CCSER1: variants seen among roughly 807,000 people sequenced by gnomAD.
CCSER1 encodes the protein serine-rich coiled-coil domain-containing protein 1.
A neutral mutation model predicts 82.0 loss-of-function variants in CCSER1; 41 were observed. The observed-to-expected ratio is 0.50, with a 90% CI of 0.39 to 0.65. The LOEUF is 0.65. CCSER1 is among the 30% of genes least tolerant of loss of function. The pLI, the probability that CCSER1 is intolerant of heterozygous loss-of-function variation, is 0.00. For synonymous variants in CCSER1, 414 were observed against 383.9 expected, an observed-to-expected ratio of 1.08 and a Z score of -0.92; for missense variants, 1,119 against 1,064.2, an observed-to-expected ratio of 1.05 and a Z score of -0.72.
chr4:91,001,690 G>C (rs1464657844), intron 9 of CCSER1, among the ~76,000 whole-genome samples: 1 of 152,104 alleles, frequency 6.6e-6, no homozygotes, highest in African/African-American at 2.4e-5. Flanking sequence ...ATAGTTGGTT[G>C]GTGAATTTTT....
intron 10 of CCSER1, among the ~76,000 whole-genome samples, chr4:91,108,763 G>A (rs1225303768): frequency 1.3e-5 from 2 of 152,122 alleles, no homozygotes; most frequent in Non-Finnish European, 2.9e-5. Context: ...CCTCTGACAA[G>A]TTATATTTAG....
In CCSER1 at chr4:91,182,724, C is replaced by T. The variant is rs114065691; in HGVS notation, c.2217+96730C>T. Among the ~76,000 whole-genome samples the T allele has an allele frequency of 5.0e-3, 759 of 152,252 alleles. 6 individuals are homozygous for T. Among genetic ancestry groups the T allele is most frequent in the African/African-American group, 0.017 (703 of 41,560 alleles). ...TGCAAAAGATGACACTTAACACAGG[C>T]GGAAGACTCTCCTATTTGATGTGTA... On this transcript the variant is annotated intron_variant, in intron 10 of 10. Coordinates refer to ENST00000509176, the MANE Select transcript of CCSER1 (RefSeq NM_001145065.2).
intron 10 of CCSER1, among the ~76,000 whole-genome samples, chr4:91,230,495 T>C (rs1738538994): frequency 6.6e-6 from 1 of 151,954 alleles, no homozygotes; most frequent in Non-Finnish European, 1.5e-5. Context: ...AATAGGATAG[T>C]TGGAAATAAA....
At chr4:90,763,893 C>T (rs929761102) in intron 7 of CCSER1, among the ~76,000 whole-genome samples, 2 of 152,162 alleles carry the variant, frequency 1.3e-5, no homozygotes, top group Non-Finnish European at 2.9e-5. Flanking sequence ...ATCCATTTCT[C>T]AAATGTTTTC....
At chr4:91,223,835 T>G (rs1737941245) in intron 10 of CCSER1, among the ~76,000 whole-genome samples, 1 of 152,168 alleles carries the variant, frequency 6.6e-6, no homozygotes, top group African/African-American at 2.4e-5. Context: ...CGTCTGCATC[T>G]GTTAAATGAG....
chr4:90,738,586 T>A (rs545173806), intron 7 of CCSER1, among the ~76,000 whole-genome samples: 1 of 152,184 alleles, frequency 6.6e-6, no homozygotes, highest in Non-Finnish European at 1.5e-5. Flanking sequence ...GCACTGTGTC[T>A]TCCCAAGGCC....
chr4:90,904,170 T>G (rs2150161018), intron 8 of CCSER1, among the ~76,000 whole-genome samples: 1 of 152,232 alleles, frequency 6.6e-6, no homozygotes, highest in South Asian at 2.1e-4. Flanking sequence ...AAGGACAATT[T>G]GATTTATCTT....
At chr4:91,272,843 G>C (rs1241708092) in intron 10 of CCSER1, among the ~76,000 whole-genome samples, 1 of 152,100 alleles carries the variant, frequency 6.6e-6, no homozygotes, top group African/African-American at 2.4e-5. Context: ...ACCATTTTTT[G>C]AATAGTGTGT....
intron 10 of CCSER1, among the ~76,000 whole-genome samples, chr4:91,344,095 A>G (rs1427788733): frequency 2.0e-5 from 3 of 152,188 alleles, no homozygotes; most frequent in Non-Finnish European, 4.4e-5. Flanking sequence ...ATGTGATAGT[A>G]TTAAGAAGTG....
intron 8 of CCSER1, among the ~76,000 whole-genome samples, chr4:90,855,093 C>G (rs1387157251): frequency 6.6e-6 from 1 of 152,088 alleles, no homozygotes; most frequent in Non-Finnish European, 1.5e-5. Context: ...GAAGTCTGCC[C>G]CCATGATCCA....
At chr4:91,582,539 A>G (rs552106931) in intron 10 of CCSER1, among the ~76,000 whole-genome samples, 147 of 151,654 alleles carry the variant, frequency 9.7e-4, no homozygotes, top group African/African-American at 3.1e-3. Context: ...ATCGATGTGC[A>G]TCATGTAGTC....
intron 5 of CCSER1, among the ~76,000 whole-genome samples, chr4:90,620,482 G>T (rs1722102468): frequency 6.6e-6 from 1 of 152,100 alleles, no homozygotes; most frequent in Admixed American, 6.6e-5. Flanking sequence ...GCAAGGTTTT[G>T]TGGATACATT....
rs1554011718 is a variant in CCSER1 at position 90,778,540 on chromosome 4, A to AAAAG, written c.2011-37222_2011-37221insAAAG. Reference sequence around the variant, plus strand: ...GAATGCATTTCTTAAAAAAAAAAAAACACAAAAAGAAACCCATACACTAAC... The same window carrying AAAAG: ...GAATGCATTTCTTAAAAAAAAAAAAAAAAGCACAAAAAGAAACCCATACACTAAC... On this transcript the variant is annotated intron_variant, in intron 7 of 10. Transcript: ENST00000509176. Among the ~76,000 whole-genome samples, 866 of 150,912 alleles carry AAAAG rather than the reference A, an allele frequency of 5.7e-3. 14 individuals are homozygous for AAAAG. The highest frequency in any genetic ancestry group is 0.02 in the African/African-American group (831 of 41,180).
Position 90,256,815 on chromosome 4 carries a change from A to T in CCSER1, c.-41-51429A>T, listed in dbSNP as rs1723380999. On this transcript the variant is annotated intron_variant, in intron 1 of 10. Coordinates refer to ENST00000509176, the MANE Select transcript of CCSER1 (RefSeq NM_001145065.2). Reference sequence around the variant, plus strand: ...TTATCTGCAGTCAACCATGGTATAAAAATAGTTGAATACAGTAAAATAAGA... The same window carrying T: ...TTATCTGCAGTCAACCATGGTATAATAATAGTTGAATACAGTAAAATAAGA... Among the ~76,000 whole-genome samples the T allele has an allele frequency of 2.0e-5, 3 of 152,132 alleles. No individual in the cohort carries two copies. In the South Asian group the frequency reaches 6.2e-4, roughly 32 times the overall value.
chr4:91,446,073 G>T (rs1372127299), intron 10 of CCSER1, among the ~76,000 whole-genome samples: 1 of 152,032 alleles, frequency 6.6e-6, no homozygotes, highest in Non-Finnish European at 1.5e-5. Flanking sequence ...GTTTCATTCT[G>T]ACTTTGTTTT....
Position 90,842,178 on chromosome 4 carries a change from G to A in CCSER1, c.2094+26333G>A, listed in dbSNP as rs146615211. Among the ~76,000 whole-genome samples the A allele has an allele frequency of 2.2e-3, 331 of 152,118 alleles. 1 individual carries two copies. The highest frequency in any genetic ancestry group is 0.016 in the South Asian group (77 of 4,818). ...CTTATTCAAAACATCTTTAAACAAA[G>A]CAAAATTATTTTGAAAGCAAAAACA... On this transcript the variant is annotated intron_variant, in intron 8 of 10. Coordinates refer to ENST00000509176, the MANE Select transcript of CCSER1 (RefSeq NM_001145065.2).
Position 90,226,713 on chromosome 4 carries a change from T to C in CCSER1, c.-41-81531T>C, listed in dbSNP as rs551816975. Among the ~76,000 whole-genome samples the C allele has an allele frequency of 7.9e-5, 12 of 152,326 alleles. 1 individual carries two copies. The South Asian group carries it at 2.5e-3, about 32-fold the overall frequency. On this transcript the variant is annotated intron_variant, in intron 1 of 10. Coordinates refer to ENST00000509176, the MANE Select transcript of CCSER1 (RefSeq NM_001145065.2). Reference sequence around the variant, plus strand: ...CCACCTTGTTGAGATACGTGACTGTTGTGGAGGTGTGCTTCTTGGTCTTCC... The same window carrying C: ...CCACCTTGTTGAGATACGTGACTGTCGTGGAGGTGTGCTTCTTGGTCTTCC...
intron 10 of CCSER1, among the ~76,000 whole-genome samples, chr4:91,212,677 A>C (rs1272890188): frequency 2.0e-5 from 3 of 152,178 alleles, no homozygotes; most frequent in African/African-American, 7.2e-5. Flanking sequence ...TGAGCTTTTA[A>C]ATTAACCCAC....
chr4:91,497,168 A>T (rs1216915443), intron 10 of CCSER1, among the ~76,000 whole-genome samples: 2 of 151,490 alleles, frequency 1.3e-5, no homozygotes, highest in Admixed American at 1.3e-4. Context: ...CAAGTTTCTT[A>T]ACCCCTTTGA....
Sources: allele counts gnomAD v4.1 joint callset (sites outside exome capture counted in the v4.1 genomes callset), GRCh38; gene constraint gnomAD v4.1.1; transcripts MANE v1.5; gene names NCBI Gene and HGNC (gene_info 2026-07-23, HGNC 2026-07-21).